Variants in TBC1D1 observed in about 807,000 individuals in gnomAD.
The protein encoded by TBC1D1 is TBC1 (tre-2/USP6, BUB2, cdc16) domain family, member 1.
A neutral mutation model predicts 125.6 loss-of-function variants in TBC1D1; 89 were observed. That is an observed-to-expected ratio of 0.71 (90% CI 0.60 to 0.85). The LOEUF (loss-of-function observed/expected upper bound fraction) is 0.85. TBC1D1 is among the 40% of genes least tolerant of loss of function. The probability of loss-of-function intolerance (pLI) is 0.00; values close to 1 mark genes in which losing one functional copy is unlikely to be tolerated. For missense variants in TBC1D1, 1,377 were observed against 1,469.2 expected (o/e 0.94, Z 1.03); for synonymous variants, 565 against 564.1 (o/e 1.00, Z -0.02).
intron 4 of TBC1D1, among the ~76,000 whole-genome samples, chr4:38,020,222 C>G (rs1294785112): frequency 6.6e-6 from 1 of 152,110 alleles, no homozygotes; most frequent in Non-Finnish European, 1.5e-5. Context: ...CGCAGTGGTT[C>G]ACGCCTGTAA....
At chr4:37,936,146 T>G (rs1560500055) in intron 2 of TBC1D1, among the ~76,000 whole-genome samples, 5 of 152,194 alleles carry the variant, frequency 3.3e-5, no homozygotes, top group Admixed American at 2.0e-4. Flanking sequence ...AGTGGAGGCC[T>G]AAAACTGACG....
At chr4:38,034,460 C>T (rs1465469922) in intron 7 of TBC1D1, among the ~76,000 whole-genome samples, 1 of 152,178 alleles carries the variant, frequency 6.6e-6, no homozygotes, top group Non-Finnish European at 1.5e-5. Flanking sequence ...AACAACTTAC[C>T]TTTAATCTTT....
chr4:37,919,819 TTAAC>T (rs980746834), intron 2 of TBC1D1, among the ~76,000 whole-genome samples: 1 of 152,128 alleles, frequency 6.6e-6, no homozygotes, highest in Non-Finnish European at 1.5e-5. Flanking sequence ...TCAGTAAACA[TTAAC>T]TATCTGTGGC....
At chr4:37,931,724 C>A (rs1378688253) in intron 2 of TBC1D1, among the ~76,000 whole-genome samples, 1 of 152,280 alleles carries the variant, frequency 6.6e-6, no homozygotes, top group Middle Eastern at 3.4e-3. Flanking sequence ...GATCCACCCG[C>A]CTTGGCCTCC....
intron 12 of TBC1D1, among the ~76,000 whole-genome samples, chr4:38,072,925 C>T (rs1488047331): frequency 2.0e-5 from 3 of 152,186 alleles, no homozygotes; most frequent in African/African-American, 2.4e-5. Context: ...GGTTCATTCA[C>T]GTTGTAGCAT....
chr4:37,995,548 G>C lies in TBC1D1; in HGVS notation c.418-18961G>C, dbSNP rs1485344481. ...TTGGGTTGCGGTTTTCTCCAGGTTG[G>C]TGCTGATGATATGATAAAGCTCAGC... On this transcript the variant is annotated intron_variant, in intron 2 of 19. Transcript: ENST00000261439. The surrounding 1 kb of genome is among the most constrained non-coding windows in gnomAD (Gnocchi z 4.3). 2.6e-6 allele frequency: 1 copy of C among 390,178 alleles called. No homozygotes were observed. The highest frequency in any genetic ancestry group is 2.1e-5 in the African/African-American group (1 of 47,612). 24.2% of individuals were successfully genotyped at this position (390,178 alleles called of 1,614,324 possible). A position where few individuals can be genotyped will look rare whatever the true frequency, so the allele number is the denominator to read the frequency against.
intron 2 of TBC1D1, among the ~76,000 whole-genome samples, chr4:37,954,518 A>G (rs7675890): frequency 0.62 from 94,529 of 151,956 alleles, 30,251 homozygotes; most frequent in East Asian, 0.96. Context: ...AGGAAATGGG[A>G]GAATCATTAT....
In TBC1D1 at chr4:38,125,428, T is replaced by C. The variant is rs371192043; in HGVS notation, c.3132+297T>C. ...GACTTCAGCTCTAGTAGCTTGTTCTTCTGAAACATATATATATTTATGCAA... is the reference window on the plus strand; with the variant it reads ...GACTTCAGCTCTAGTAGCTTGTTCTCCTGAAACATATATATATTTATGCAA... On this transcript the variant is annotated intron_variant, in intron 18 of 19. Transcript: ENST00000261439. 4.4e-4 allele frequency among the ~76,000 whole-genome samples: 67 copies of C among 152,376 alleles called. 2 individuals are homozygous for C. In the East Asian group the frequency reaches 6.6e-3, roughly 15 times the overall value.
At chr4:38,069,870 GTTT>G in intron 12 of TBC1D1, among the ~76,000 whole-genome samples, 1 of 77,772 alleles carries the variant, frequency 1.3e-5, no homozygotes, top group African/African-American at 5.4e-5. Context: ...TTTTTGTTTT[GTTT>G]TGTTTTGTTT....
At chr4:37,921,415 T>A (rs1296039546) in intron 2 of TBC1D1, among the ~76,000 whole-genome samples, 2 of 59,216 alleles carry the variant, frequency 3.4e-5, no homozygotes, top group African/African-American at 9.6e-5. Context: ...ATATATATAA[T>A]TTTTTTTTTT....
At chr4:38,124,080 G>T (rs926188335) in intron 17 of TBC1D1, among the ~76,000 whole-genome samples, 1 of 152,118 alleles carries the variant, frequency 6.6e-6, no homozygotes, top group Admixed American at 6.5e-5. Context: ...ACTGACACTT[G>T]CCTCCAATTA....
chr4:37,899,541 G>C (rs997648673), intron 1 of TBC1D1, among the ~76,000 whole-genome samples: 7 of 151,760 alleles, frequency 4.6e-5, no homozygotes, highest in Admixed American at 1.3e-4. Flanking sequence ...GAAGCTCTCC[G>C]GGCTTCAGTT....
At chr4:38,052,776 G>A (rs1751001594) in intron 11 of TBC1D1, among the ~76,000 whole-genome samples, 1 of 142,348 alleles carries the variant, frequency 7.0e-6, no homozygotes, top group South Asian at 2.1e-4. Context: ...GATAACATCT[G>A]TGTTTGATCA....
intron 5 of TBC1D1, 100 bp downstream of exon 5, chr4:38,020,795 C>A: frequency 1.1e-6 from 1 of 924,076 alleles, no homozygotes; most frequent in Non-Finnish European, 1.7e-6. Flanking sequence ...TGGTCATTGA[C>A]ATATCATTAT....
intron 15 of TBC1D1, among the ~76,000 whole-genome samples, chr4:38,113,923 C>A (rs1373516439): frequency 6.6e-6 from 1 of 152,084 alleles, no homozygotes; most frequent in African/African-American, 2.4e-5. Flanking sequence ...TTGGGTGTAA[C>A]AAAATATCTA....
intron 2 of TBC1D1, among the ~76,000 whole-genome samples, chr4:37,997,509 T>C (rs1192444920): frequency 6.6e-6 from 1 of 152,246 alleles, no homozygotes; most frequent in East Asian, 1.9e-4. Flanking sequence ...TAGAAGTTTT[T>C]ACCTAGTAGC....
chr4:37,969,934 C>G (rs1217564929), intron 2 of TBC1D1, among the ~76,000 whole-genome samples: 3 of 152,182 alleles, frequency 2.0e-5, no homozygotes, highest in African/African-American at 7.2e-5. Context: ...CCGGTAACTA[C>G]TAGTCTATTT....
chr4:37,991,115 C>T (rs1036639010), intron 2 of TBC1D1, among the ~76,000 whole-genome samples: 5 of 152,270 alleles, frequency 3.3e-5, no homozygotes, highest in Admixed American at 6.5e-5. Context: ...TGCCAGAAAG[C>T]AGGTGGGGAA....
chr4:37,961,409 T>TA (rs1286096295), intron 2 of TBC1D1, among the ~76,000 whole-genome samples: 7 of 150,974 alleles, frequency 4.6e-5, no homozygotes, highest in South Asian at 4.2e-4. Flanking sequence ...TGTGGAATGC[T>TA]AAAAAAAAAT....
Sources: allele counts gnomAD v4.1 joint callset (sites outside exome capture counted in the v4.1 genomes callset), GRCh38; gene constraint gnomAD v4.1.1; non-coding constraint Gnocchi (gnomAD v3.1); transcripts MANE v1.5; gene names NCBI Gene and HGNC (gene_info 2026-07-23, HGNC 2026-07-21).